LARP1: variants seen among roughly 807,000 people sequenced by gnomAD.
The protein encoded by LARP1 is la-related protein 1.
LARP1 carries 36 observed loss-of-function variants against 122.7 expected under a neutral mutation model. The ratio of observed to expected loss-of-function variants is 0.29; its 90% confidence interval spans 0.22 to 0.39. The LOEUF (loss-of-function observed/expected upper bound fraction) is 0.39. LARP1 is among the 10% of genes least tolerant of loss of function. The pLI is 1.00. For missense variants in LARP1, 1,040 were observed against 1,403.6 expected (o/e 0.74, Z 4.14); for synonymous variants, 539 against 528.7 (o/e 1.02, Z -0.27).
intron 1 of LARP1, among the ~76,000 whole-genome samples, chr5:154,702,131 T>G (rs975384301): frequency 1.3e-5 from 2 of 152,180 alleles, no homozygotes; most frequent in African/African-American, 4.8e-5. Flanking sequence ...ATGGGCCAAC[T>G]CTTGCCTAAA....
chr5:154,754,065 A>G (rs1753650123), upstream of LARP1, among the ~76,000 whole-genome samples: 1 of 152,244 alleles, frequency 6.6e-6, no homozygotes, highest in Non-Finnish European at 1.5e-5. Flanking sequence ...TCCCAGACCG[A>G]GCCTGATTCC....
chr5:154,721,615 G>A (rs1582204055), intron 1 of LARP1, among the ~76,000 whole-genome samples: 1 of 152,176 alleles, frequency 6.6e-6, no homozygotes, highest in East Asian at 1.9e-4. Context: ...CACCTTGTGT[G>A]GCTGAGTGCT....
rs952920435 is a variant in LARP1 at position 154,817,108 on chromosome 5, G to A, written c.*3012G>A. The A allele has an allele frequency of 6.6e-6, 1 of 151,978 alleles. No individual in the cohort carries two copies. The highest frequency in any genetic ancestry group is 2.4e-5 in the African/African-American group (1 of 41,322). 9.4% of individuals were successfully genotyped at this position (151,978 alleles called of 1,614,324 possible). A position where few individuals can be genotyped will look rare whatever the true frequency, so the allele number is the denominator to read the frequency against. Reference sequence around the variant, plus strand: ...CCCTGGAAGGGAAGTGAGGAGGAGGGACAAGGAAGATGACTAGTTACGGAG... The same window carrying A: ...CCCTGGAAGGGAAGTGAGGAGGAGGAACAAGGAAGATGACTAGTTACGGAG... On this transcript the variant is annotated 3_prime_UTR_variant, in exon 19 of 19. Coordinates refer to ENST00000518297, the MANE Select transcript of LARP1 (RefSeq NM_033551.3).
chr5:154,763,939 T>G (rs1397232681), intron 1 of LARP1, among the ~76,000 whole-genome samples: 5 of 148,688 alleles, frequency 3.4e-5, no homozygotes, highest in Non-Finnish European at 6.0e-5. Context: ...ACTTGAGCCT[T>G]GGGAGGTAAA....
intron 1 of LARP1, among the ~76,000 whole-genome samples, chr5:154,764,594 T>A (rs1582330265): frequency 1.6e-4 from 4 of 24,616 alleles, no homozygotes; most frequent in Admixed American, 1.1e-3. Context: ...AGACCATGTC[T>A]CAAAAAAAAA....
At chr5:154,753,644 G>C (rs1753624989), upstream of LARP1, among the ~76,000 whole-genome samples, 1 of 152,140 alleles carries the variant, frequency 6.6e-6, no homozygotes, top group Non-Finnish European at 1.5e-5. Context: ...CTTCACATGA[G>C]CTCAGAGGGT....
chr5:154,817,511 T>C lies in LARP1; in HGVS notation c.*3415T>C, dbSNP rs1178518139. On this transcript the variant is annotated 3_prime_UTR_variant, in exon 19 of 19. Transcript: ENST00000518297. Reference sequence around the variant, plus strand: ...CAGGCTGAAGTGATTCATTCATTATTCTAGTCCTGCTTTAGTCCTTTGTAA... The same window carrying C: ...CAGGCTGAAGTGATTCATTCATTATCCTAGTCCTGCTTTAGTCCTTTGTAA... The C allele has an allele frequency of 6.5e-6, 1 of 152,718 alleles. No homozygotes were observed. Among genetic ancestry groups the C allele is most frequent in the Non-Finnish European group, 1.5e-5 (1 of 68,054 alleles). 9.5% of individuals were successfully genotyped at this position (152,718 alleles called of 1,614,324 possible).
intron 1 of LARP1, among the ~76,000 whole-genome samples, chr5:154,693,437 A>T (rs527605135): frequency 1.3e-5 from 2 of 152,318 alleles, no homozygotes; most frequent in African/African-American, 4.8e-5. Flanking sequence ...GTTTACAGAA[A>T]TAACATTGGT....
intron 1 of LARP1, among the ~76,000 whole-genome samples, chr5:154,692,644 A>G (rs148586477): frequency 6.6e-6 from 1 of 152,328 alleles, no homozygotes; most frequent in Non-Finnish European, 1.5e-5. Context: ...CCAACAGGGT[A>G]AAGAGTTCTT....
chr5:154,724,096 G>A (rs1001855068), intron 1 of LARP1, among the ~76,000 whole-genome samples: 2 of 152,180 alleles, frequency 1.3e-5, no homozygotes, highest in Non-Finnish European at 2.9e-5. Flanking sequence ...CCCTCAGAAC[G>A]GGAAAGGTGG....
intron 16 of LARP1, among the ~76,000 whole-genome samples, chr5:154,810,300 G>A (rs891138466): frequency 6.6e-6 from 1 of 151,614 alleles, no homozygotes; most frequent in African/African-American, 2.4e-5. Flanking sequence ...GCTGGGTGTG[G>A]TGGCACATGC....
At chr5:154,718,061 G>T (rs769914424) in intron 1 of LARP1, among the ~76,000 whole-genome samples, 11 of 152,094 alleles carry the variant, frequency 7.2e-5, no homozygotes, top group Non-Finnish European at 1.5e-4. Context: ...GGGACTACAG[G>T]TGTAGGCCAC....
intron 1 of LARP1, among the ~76,000 whole-genome samples, chr5:154,714,907 C>T (rs377555513): frequency 5.9e-5 from 9 of 152,282 alleles, no homozygotes; most frequent in East Asian, 1.9e-4. Context: ...AAGCCGGGTG[C>T]GGTGGCTCAC....
chr5:154,719,918 A>C (rs1055857473), intron 1 of LARP1, among the ~76,000 whole-genome samples: 3 of 147,276 alleles, frequency 2.0e-5, no homozygotes, highest in African/African-American at 7.6e-5. Flanking sequence ...CTGGCCGGGC[A>C]TGGTGGCTTA....
intron 1 of LARP1, among the ~76,000 whole-genome samples, chr5:154,723,693 G>C (rs1390688247): frequency 1.3e-5 from 2 of 152,212 alleles, no homozygotes; most frequent in Non-Finnish European, 2.9e-5. Context: ...GCATTATACA[G>C]ATGAGGAAAC....
chr5:154,760,022 C>A (rs1162890078), intron 1 of LARP1, among the ~76,000 whole-genome samples: 1 of 150,732 alleles, frequency 6.6e-6, no homozygotes, highest in Non-Finnish European at 1.5e-5. Context: ...CCACTGCAAC[C>A]TCCACCTCCC....
intron 1 of LARP1, among the ~76,000 whole-genome samples, chr5:154,764,289 G>A (rs1754725634): frequency 6.8e-6 from 1 of 146,034 alleles, no homozygotes; most frequent in African/African-American, 2.6e-5. Context: ...CAGCCTGGGT[G>A]ACAGAGCAAG....
At chr5:154,698,427 T>C (rs1754570903) in intron 1 of LARP1, among the ~76,000 whole-genome samples, 1 of 152,072 alleles carries the variant, frequency 6.6e-6, no homozygotes, top group Admixed American at 6.6e-5. Context: ...TGAAACACTG[T>C]CTCTACTAAA....
At chr5:154,782,337 C>T (rs918481980) in intron 1 of LARP1, among the ~76,000 whole-genome samples, 2 of 152,106 alleles carry the variant, frequency 1.3e-5, no homozygotes, top group Admixed American at 1.3e-4. Flanking sequence ...CTTTAGTGGC[C>T]GCTGATATAT....
Sources: allele counts gnomAD v4.1 joint callset (sites outside exome capture counted in the v4.1 genomes callset), GRCh38; gene constraint gnomAD v4.1.1; transcripts MANE v1.5; gene names NCBI Gene and HGNC (gene_info 2026-07-23, HGNC 2026-07-21).